WWC2: variants seen among roughly 807,000 people sequenced by gnomAD.
WWC2 encodes WW and C2 domain containing 2.
In WWC2, 101 loss-of-function variants were observed where a neutral mutation model predicts 138.5. The ratio of observed to expected loss-of-function variants is 0.73; its 90% CI spans 0.62 to 0.86. The LOEUF is 0.86. WWC2 is among the 40% of genes least tolerant of loss of function. The pLI is 0.00. For missense variants in WWC2, 1,420 were observed against 1,419.4 expected, an observed-to-expected ratio of 1.00 and a Z score of -0.01; for synonymous variants, 558 against 538.4, an observed-to-expected ratio of 1.04 and a Z score of -0.50.
At chr4:183,310,832 T>TAA (rs34169882) in intron 21 of WWC2, among the ~76,000 whole-genome samples, 45,417 of 113,066 alleles carry the variant, frequency 0.4, 9,895 homozygotes, top group Middle Eastern at 0.56. Flanking sequence ...TGGCATATTG[T>TAA]AAAAAAAAAA....
intron 11 of WWC2, among the ~76,000 whole-genome samples, chr4:183,263,739 G>C (rs928749496): frequency 6.6e-6 from 1 of 152,182 alleles, no homozygotes; most frequent in Non-Finnish European, 1.5e-5. Flanking sequence ...CAGCCTAGGT[G>C]ACAGGAGTGA....
chr4:183,154,543 G>T (rs560535485), intron 1 of WWC2, among the ~76,000 whole-genome samples: 2 of 152,280 alleles, frequency 1.3e-5, no homozygotes, highest in East Asian at 1.9e-4. Context: ...GTGTTCACCA[G>T]CAGGATCTCC....
chr4:183,107,607 C>A (rs74714608), intron 1 of WWC2, among the ~76,000 whole-genome samples: 2 of 152,250 alleles, frequency 1.3e-5, no homozygotes, highest in East Asian at 3.9e-4. Context: ...TATTCTGCCC[C>A]CTTTTTGTTT....
At chr4:183,286,098 CA>C in intron 20 of WWC2, 39 bp downstream of exon 20, 1 of 1,527,546 alleles carries the variant, frequency 6.5e-7, no homozygotes, top group South Asian at 1.2e-5. Flanking sequence ...GTCCCTGGAC[CA>C]GTCCAGAATT....
intron 16 of WWC2, among the ~76,000 whole-genome samples, chr4:183,273,436 C>T (rs1187684293): frequency 1.3e-5 from 2 of 152,140 alleles, no homozygotes; most frequent in Non-Finnish European, 2.9e-5. Flanking sequence ...TCCCGAGTAG[C>T]TGGGATTACA....
chr4:183,103,926 G>A (rs1227603456), intron 1 of WWC2, among the ~76,000 whole-genome samples: 2 of 152,028 alleles, frequency 1.3e-5, no homozygotes, highest in Non-Finnish European at 2.9e-5. Flanking sequence ...GAGCCACCAC[G>A]CCCGGCCTGG....
intron 10 of WWC2, among the ~76,000 whole-genome samples, chr4:183,260,511 T>G (rs1476158619): frequency 6.6e-6 from 1 of 152,368 alleles, no homozygotes; most frequent in East Asian, 1.9e-4. Context: ...TTTACTGTGC[T>G]TTTTCTAGTT....
intron 4 of WWC2, among the ~76,000 whole-genome samples, chr4:183,215,981 C>G (rs535751362): frequency 9.2e-5 from 14 of 152,298 alleles, no homozygotes; most frequent in African/African-American, 3.4e-4. Flanking sequence ...CTACAAAGCT[C>G]ATTTGCTCAT....
Position 183,320,235 on chromosome 4 carries a change from C to T in WWC2, c.*4506C>T, listed in dbSNP as rs778836469. 1.3e-5 allele frequency: 20 copies of T among 1,596,002 alleles called. No homozygotes were observed. In the South Asian group the frequency reaches 1.6e-4, roughly 13 times the overall value. On this transcript the variant is annotated 3_prime_UTR_variant, in exon 23 of 23. Transcript: ENST00000403733. ...TAAAGCCATTATAATGTCCTGAGAG[C>T]TTTAGCCAAACTAACTCCTGCCCTT...
chr4:183,253,975 C>T lies in WWC2; in HGVS notation c.1172C>T (p.Thr391Ile), dbSNP rs1208223787. The change falls in exon 9 of 23, where the codon ACA (threonine) becomes ATA (isoleucine). Residue 391 changes from threonine (T) to isoleucine (I), a missense_variant. By Grantham distance (89) the Thr-to-Ile change is moderately conservative. Coordinates refer to ENST00000403733, the MANE Select transcript of WWC2 (RefSeq NM_024949.6). ...LEEELLSVRG[T>I]PSRALAERLR... Reference sequence around the variant, plus strand: ...GAAGAGTTGCTGTCTGTGAGGGGAACACCAAGCAGAGCTCTGGCCGAGAGG... The same window carrying T: ...GAAGAGTTGCTGTCTGTGAGGGGAATACCAAGCAGAGCTCTGGCCGAGAGG... 6 of 1,613,612 alleles carry T rather than the reference C, an allele frequency of 3.7e-6. No homozygotes were observed. Among genetic ancestry groups the T allele is most frequent in the Admixed American group, 3.3e-5 (2 of 59,956 alleles).
At chr4:183,302,017 A>C (rs1236230576) in intron 21 of WWC2, among the ~76,000 whole-genome samples, 4 of 152,226 alleles carry the variant, frequency 2.6e-5, no homozygotes, top group African/African-American at 9.6e-5. Flanking sequence ...ATGTTACTGT[A>C]ACTCATTATT....
At chr4:183,199,721 A>G (rs1735250042) in intron 2 of WWC2, among the ~76,000 whole-genome samples, 1 of 152,180 alleles carries the variant, frequency 6.6e-6, no homozygotes, top group Non-Finnish European at 1.5e-5. Context: ...ATCTAATGTT[A>G]TCTTCCATGA....
At chr4:183,186,417 T>C (rs1347071558) in intron 1 of WWC2, among the ~76,000 whole-genome samples, 1 of 152,150 alleles carries the variant, frequency 6.6e-6, no homozygotes, top group East Asian at 1.9e-4. Context: ...GAAGGGAAAT[T>C]CTATGATAGG....
At chr4:183,170,110 G>C (rs1734235145) in intron 1 of WWC2, among the ~76,000 whole-genome samples, 1 of 152,190 alleles carries the variant, frequency 6.6e-6, no homozygotes, top group African/African-American at 2.4e-5. Context: ...ATAATGCTGA[G>C]AGGATTAGTA....
chr4:183,310,191 T>C (rs1038795655), intron 21 of WWC2, among the ~76,000 whole-genome samples: 2 of 152,234 alleles, frequency 1.3e-5, no homozygotes, highest in African/African-American at 4.8e-5. Flanking sequence ...AAGCTTGATA[T>C]AAACTGTGGA....
chr4:183,150,251 A>G (rs1172476092), intron 1 of WWC2, among the ~76,000 whole-genome samples: 1 of 152,192 alleles, frequency 6.6e-6, no homozygotes, highest in Non-Finnish European at 1.5e-5. Flanking sequence ...TTATTTTGCT[A>G]TATGAAACTA....
intron 17 of WWC2, among the ~76,000 whole-genome samples, chr4:183,282,088 A>C (rs1738094783): frequency 6.6e-6 from 1 of 152,224 alleles, no homozygotes; most frequent in Non-Finnish European, 1.5e-5. Flanking sequence ...AACTCAACAA[A>C]GTATGAGATG....
At chr4:183,289,313 A>G in intron 20 of WWC2, 80 bp from the exon 21 acceptor site, 1 of 1,524,496 alleles carries the variant, frequency 6.6e-7, no homozygotes, top group Non-Finnish European at 8.8e-7. Flanking sequence ...ACCATCCATC[A>G]TGCGCCAGGA....
chr4:183,150,386 A>G (rs1334152569), intron 1 of WWC2, among the ~76,000 whole-genome samples: 1 of 152,172 alleles, frequency 6.6e-6, no homozygotes, highest in Non-Finnish European at 1.5e-5. Flanking sequence ...TTAATCTCAA[A>G]ATCAAAGTCT....
Sources: gnomAD v4.1 joint callset for allele counts (sites outside exome capture counted in the v4.1 genomes callset) on GRCh38, gnomAD v4.1.1 for gene constraint, MANE v1.5 for transcripts, NCBI Gene and HGNC (gene_info 2026-07-23, HGNC 2026-07-21) for gene names.